PCLO: variants seen among roughly 807,000 people sequenced by gnomAD.
PCLO encodes the protein protein piccolo.
A neutral mutation model predicts 427.5 loss-of-function variants in PCLO; 82 were observed. That is an observed-to-expected ratio of 0.19 (90% CI 0.16 to 0.23). The LOEUF (loss-of-function observed/expected upper bound fraction) is 0.23, where lower values mean the gene tolerates loss of function less well. Among genes scored for constraint, PCLO ranks in the 10% least tolerant of loss-of-function variants. The pLI, the probability that PCLO is intolerant of heterozygous loss-of-function variation, is 1.00. For missense variants in PCLO, 6,239 were observed against 6,115.9 expected (o/e 1.02, Z -0.67); for synonymous variants, 2,357 against 2,155.4 (o/e 1.09, Z -2.59).
intron 1 of PCLO, among the ~76,000 whole-genome samples, chr7:83,161,607 G>C (rs1458650537): frequency 6.6e-6 from 1 of 152,182 alleles, no homozygotes; most frequent in Non-Finnish European, 1.5e-5. Context: ...TTAAAAGTAT[G>C]TATTGAAAAT....
chr7:82,811,863 A>C (rs1252787996), intron 20 of PCLO, among the ~76,000 whole-genome samples: 1 of 151,446 alleles, frequency 6.6e-6, no homozygotes, highest in South Asian at 2.1e-4. Context: ...TGAAGGAAGG[A>C]TGTCATTGAC....
Position 82,889,393 on chromosome 7 carries a change from C to T in PCLO, c.13529-9931G>A, listed in dbSNP as rs1584106030. On this transcript the variant is annotated intron_variant, in intron 9 of 24. Coordinates refer to ENST00000333891, the MANE Select transcript of PCLO (RefSeq NM_033026.6). The stretch of plus-strand genomic sequence containing the variant: ...ACAAAATATCAACCTGATAATTAAT[C>T]AAAGAAATAATACTTAGAGCAACAT... Among the ~76,000 whole-genome samples, 4 of 151,982 alleles carry T rather than the reference C, an allele frequency of 2.6e-5. No homozygotes were observed. The South Asian group carries it at 6.2e-4, about 24-fold the overall frequency.
At chr7:83,071,201 G>C (rs1049899020) in intron 3 of PCLO, among the ~76,000 whole-genome samples, 1 of 152,052 alleles carries the variant, frequency 6.6e-6, no homozygotes, top group African/African-American at 2.4e-5. Context: ...CCTTTAGGCA[G>C]TAACTCCCTA....
At chr7:83,043,912 C>CTTTTTTTTTTTTTTTTTTTTTT (rs869061778) in intron 3 of PCLO, among the ~76,000 whole-genome samples, 5 of 94,908 alleles carry the variant, frequency 5.3e-5, no homozygotes, top group African/African-American at 8.2e-5. Flanking sequence ...CTATTATTTT[C>CTTTTTTTTTTTTTTTTTTTTTT]TTTTTTTTTT....
chr7:83,087,945 ATTGAT>A (rs1790281515), intron 3 of PCLO, among the ~76,000 whole-genome samples: 1 of 152,212 alleles, frequency 6.6e-6, no homozygotes, highest in South Asian at 2.1e-4. Flanking sequence ...AAATTGCCGA[ATTGAT>A]TTAACATTTA....
chr7:82,885,401 C>A (rs1793604303), intron 9 of PCLO, among the ~76,000 whole-genome samples: 1 of 152,162 alleles, frequency 6.6e-6, no homozygotes, highest in Non-Finnish European at 1.5e-5. Flanking sequence ...GGATACAGCA[C>A]AACTAACATA....
chr7:82,903,688 T>G (rs564729333), intron 8 of PCLO, among the ~76,000 whole-genome samples: 3 of 151,992 alleles, frequency 2.0e-5, no homozygotes, highest in Non-Finnish European at 4.4e-5. Context: ...GAATTTTGTA[T>G]GTATTGTCAT....
At chr7:82,857,193 T>C (rs1048464338) in intron 10 of PCLO, among the ~76,000 whole-genome samples, 2 of 152,158 alleles carry the variant, frequency 1.3e-5, no homozygotes, top group African/African-American at 2.4e-5. Context: ...TCAAATCTTA[T>C]GAATACCATA....
chr7:82,822,660 G>A lies in PCLO; in HGVS notation c.14626C>T (p.His4876Tyr), dbSNP rs749228135. ...GATTTTGAGCTACCAGGACTACTAT[G>A]GGATTTCTCAATGGTGGGAACCTGC... ...DMQVPTIEKS[H>Y]SSPGSSKSSS... Residue 4876 changes from histidine (H) to tyrosine (Y), a missense_variant, in exon 20 of 25, where the codon CAT becomes TAT. Transcript: ENST00000333891. 6.2e-7 allele frequency: 1 copy of A among 1,613,548 alleles called. No individual in the cohort carries two copies. The highest frequency in any genetic ancestry group is 1.1e-5 in the South Asian group (1 of 91,076).
intron 1 of PCLO, among the ~76,000 whole-genome samples, chr7:83,157,087 C>T (rs1260591449): frequency 6.6e-6 from 1 of 152,100 alleles, no homozygotes; most frequent in Non-Finnish European, 1.5e-5. Flanking sequence ...CCAGGAGAGA[C>T]TGGGACACAG....
intron 9 of PCLO, among the ~76,000 whole-genome samples, chr7:82,891,411 C>T (rs1793762303): frequency 6.6e-6 from 1 of 152,078 alleles, no homozygotes; most frequent in Non-Finnish European, 1.5e-5. Flanking sequence ...TCTGAAGTTG[C>T]TTATCAGCTT....
chr7:82,922,341 T>C (rs1371059389), intron 6 of PCLO, among the ~76,000 whole-genome samples: 10 of 152,048 alleles, frequency 6.6e-5, no homozygotes, highest in Non-Finnish European at 4.4e-5. Flanking sequence ...CCAAGCCAGA[T>C]GTCCATCAAT....
intron 6 of PCLO, among the ~76,000 whole-genome samples, chr7:82,922,414 T>C (rs1794618503): frequency 6.6e-6 from 1 of 151,848 alleles, no homozygotes; most frequent in Admixed American, 6.6e-5. Flanking sequence ...GCCATAAAAA[T>C]GAATGAAATC....
At chr7:82,777,252 G>C (rs1319732436) in intron 22 of PCLO, among the ~76,000 whole-genome samples, 1 of 152,052 alleles carries the variant, frequency 6.6e-6, no homozygotes, top group Non-Finnish European at 1.5e-5. Flanking sequence ...AGAAATCAGA[G>C]ATGACACAAA....
rs76195783 is a variant in PCLO, at chr7:82,766,544, G to C, written c.15008-5051C>G. ...GAAAAAGAGGTTTCTAACATGGAAG[G>C]GAGGGAGTCAAGGAAAATTCTCTCT... On this transcript the variant is annotated intron_variant, in intron 22 of 24. Coordinates refer to ENST00000333891, the MANE Select transcript of PCLO (RefSeq NM_033026.6). 1.9e-3 allele frequency among the ~76,000 whole-genome samples: 289 copies of C among 152,166 alleles called. 2 individuals are homozygous for C. The highest frequency in any genetic ancestry group is 6.7e-3 in the African/African-American group (277 of 41,536).
At chr7:83,034,616 C>A (rs1440080434) in intron 3 of PCLO, among the ~76,000 whole-genome samples, 2 of 152,218 alleles carry the variant, frequency 1.3e-5, no homozygotes, top group African/African-American at 4.8e-5. Flanking sequence ...CTTCTTCTAG[C>A]CAAGTCTCTC....
chr7:83,079,032 G>T (rs1250502922), intron 3 of PCLO, among the ~76,000 whole-genome samples: 3 of 152,036 alleles, frequency 2.0e-5, no homozygotes, highest in Non-Finnish European at 2.9e-5. Flanking sequence ...AGATAGCAGA[G>T]ACAAGGTTAA....
chr7:82,854,175 TC>T (rs1792741111), intron 10 of PCLO, among the ~76,000 whole-genome samples: 1 of 152,092 alleles, frequency 6.6e-6, no homozygotes, highest in African/African-American at 2.4e-5. Context: ...TTGTCTTTGC[TC>T]CCCTGGGTGC....
At chr7:83,036,239 C>T (rs528784116) in intron 3 of PCLO, among the ~76,000 whole-genome samples, 1 of 152,216 alleles carries the variant, frequency 6.6e-6, no homozygotes, top group Non-Finnish European at 1.5e-5. Flanking sequence ...ACCTAGAAGG[C>T]TTGATAAAAT....
Sources: allele counts gnomAD v4.1 joint callset (sites outside exome capture counted in the v4.1 genomes callset), GRCh38; gene constraint gnomAD v4.1.1; transcripts MANE v1.5; gene names NCBI Gene and HGNC (gene_info 2026-07-23, HGNC 2026-07-21).